The following ANGPT1 variants were observed in gnomAD, a reference collection of about 807,000 sequenced individuals.
ANGPT1 encodes angiopoietin 1, also known as angiopoietin-1.
Under a neutral mutation model 62.2 loss-of-function variants are expected in ANGPT1, and 17 were observed. The observed-to-expected ratio is 0.27, with a 90% CI of 0.19 to 0.41. ANGPT1 has a LOEUF of 0.41. Ranked by LOEUF, ANGPT1 falls within the 10% of genes least tolerant of loss-of-function variation. ANGPT1 has a pLI of 1.00. For missense variants in ANGPT1, 478 were observed against 594.9 expected (o/e 0.80, Z 2.04); for synonymous variants, 199 against 198.9 (o/e 1.00, Z 0.00).
At chr8:107,338,107 T>C (rs1815613134) in intron 2 of ANGPT1, among the ~76,000 whole-genome samples, 1 of 151,466 alleles carries the variant, frequency 6.6e-6, no homozygotes, top group Non-Finnish European at 1.5e-5. Flanking sequence ...AAAAATAAAA[T>C]AAAATAAAAA....
intron 7 of ANGPT1, among the ~76,000 whole-genome samples, chr8:107,273,928 A>T (rs1340007005): frequency 2.1e-5 from 3 of 143,902 alleles, no homozygotes; most frequent in African/African-American, 7.6e-5. Context: ...TTCATCATTA[A>T]AAAAAAAAAA....
intron 3 of ANGPT1, among the ~76,000 whole-genome samples, chr8:107,330,321 AAAT>A (rs1217385306): frequency 9.8e-5 from 15 of 152,322 alleles, no homozygotes; most frequent in African/African-American, 3.6e-4. Flanking sequence ...AAAGTCACAC[AAAT>A]AATATGTGAC....
At chr8:107,390,647 T>C (rs1384678443) in intron 1 of ANGPT1, among the ~76,000 whole-genome samples, 2 of 152,214 alleles carry the variant, frequency 1.3e-5, no homozygotes, top group Non-Finnish European at 2.9e-5. Context: ...AGGGTTTTAC[T>C]ATTCATGTAT....
chr8:107,321,866 A>G lies in ANGPT1; in HGVS notation c.808+30T>C, dbSNP rs564378660. On this transcript the variant is annotated intron_variant, in intron 4 of 8. Coordinates refer to ENST00000517746, the MANE Select transcript of ANGPT1 (RefSeq NM_001146.5). ...CTTGATCAAAGGAAATAAAATATTA[A>G]CAATACCAAAGTGAGGAAGACATTC... is the stretch of plus-strand genomic sequence containing the variant. 5 of 1,584,206 alleles carry G rather than the reference A, an allele frequency of 3.2e-6. No individual in the cohort carries two copies. In the East Asian group the frequency reaches 6.7e-5, roughly 21 times the overall value.
At chr8:107,423,629 T>G (rs1810954127) in intron 1 of ANGPT1, among the ~76,000 whole-genome samples, 1 of 152,060 alleles carries the variant, frequency 6.6e-6, no homozygotes, top group African/African-American at 2.4e-5. Context: ...CACAAATCTC[T>G]CTCTGTCTCA....
intron 1 of ANGPT1, among the ~76,000 whole-genome samples, chr8:107,384,641 G>A (rs1194793648): frequency 6.6e-6 from 1 of 151,952 alleles, no homozygotes; most frequent in Non-Finnish European, 1.5e-5. Flanking sequence ...CTTATAAGAG[G>A]AAAAAGGGTA....
intron 4 of ANGPT1, among the ~76,000 whole-genome samples, chr8:107,319,100 A>C (rs530054769): frequency 6.6e-6 from 1 of 152,330 alleles, no homozygotes; most frequent in African/African-American, 2.4e-5. Context: ...AAGGAGAAAG[A>C]AGAAACTAAA....
intron 1 of ANGPT1, among the ~76,000 whole-genome samples, chr8:107,439,135 G>C (rs1410846555): frequency 1.3e-5 from 2 of 152,120 alleles, no homozygotes; most frequent in Non-Finnish European, 2.9e-5. Context: ...CAGACTTATA[G>C]GAAATCACTT....
chr8:107,316,184 C>T (rs1258309721), intron 4 of ANGPT1, among the ~76,000 whole-genome samples: 1 of 152,084 alleles, frequency 6.6e-6, no homozygotes, highest in African/African-American at 2.4e-5. Flanking sequence ...AAATTTCTTC[C>T]ACTTACTTTT....
At chr8:107,327,967 A>G (rs1284582427) in intron 3 of ANGPT1, among the ~76,000 whole-genome samples, 1 of 152,098 alleles carries the variant, frequency 6.6e-6, no homozygotes, top group African/African-American at 2.4e-5. Flanking sequence ...ATCATTGAAC[A>G]TATCTTGAAG....
At chr8:107,446,383 T>C (rs1394211825) in intron 1 of ANGPT1, among the ~76,000 whole-genome samples, 2 of 152,214 alleles carry the variant, frequency 1.3e-5, no homozygotes, top group Non-Finnish European at 2.9e-5. Context: ...AAGTGGACAA[T>C]AGCCCCATGT....
At chr8:107,444,425 T>C (rs1046095844) in intron 1 of ANGPT1, among the ~76,000 whole-genome samples, 4 of 152,174 alleles carry the variant, frequency 2.6e-5, no homozygotes, top group African/African-American at 9.7e-5. Context: ...TGTCAGTTGG[T>C]CAGCCAATGA....
intron 7 of ANGPT1, among the ~76,000 whole-genome samples, chr8:107,282,161 T>C (rs1814022799): frequency 6.6e-6 from 1 of 151,982 alleles, no homozygotes; most frequent in Non-Finnish European, 1.5e-5. Context: ...TAATGAATCT[T>C]TCACCAGAGT....
At chr8:107,287,681 A>G (rs1814175657) in intron 6 of ANGPT1, among the ~76,000 whole-genome samples, 1 of 152,164 alleles carries the variant, frequency 6.6e-6, no homozygotes, top group African/African-American at 2.4e-5. Context: ...ATGACCACAG[A>G]TCTGATATGT....
chr8:107,276,644 AT>A (rs1355209756), intron 7 of ANGPT1, among the ~76,000 whole-genome samples: 12 of 151,444 alleles, frequency 7.9e-5, no homozygotes, highest in Admixed American at 2.6e-4. Context: ...AAAAAAATGG[AT>A]TGGGGAACTG....
chr8:107,397,980 G>C (rs1346366284), intron 1 of ANGPT1, among the ~76,000 whole-genome samples: 1 of 152,136 alleles, frequency 6.6e-6, no homozygotes, highest in Non-Finnish European at 1.5e-5. Flanking sequence ...ATTATTACCA[G>C]ATTATCAGGG....
intron 1 of ANGPT1, among the ~76,000 whole-genome samples, chr8:107,369,110 G>T (rs1199095556): frequency 6.6e-6 from 1 of 152,088 alleles, no homozygotes; most frequent in Admixed American, 6.5e-5. Flanking sequence ...AAAATCTGTT[G>T]CTTAGTATAG....
intron 7 of ANGPT1, among the ~76,000 whole-genome samples, chr8:107,275,624 G>A (rs1813846358): frequency 6.6e-6 from 1 of 152,090 alleles, no homozygotes; most frequent in Non-Finnish European, 1.5e-5. Context: ...TCACATATGG[G>A]TATGCACCTG....
chr8:107,277,697 A>G (rs1299280102), intron 7 of ANGPT1, among the ~76,000 whole-genome samples: 1 of 152,218 alleles, frequency 6.6e-6, no homozygotes, highest in East Asian at 1.9e-4. Flanking sequence ...TGGGAAATAG[A>G]CAATATCATT....
Sources: allele counts gnomAD v4.1 joint callset (sites outside exome capture counted in the v4.1 genomes callset), GRCh38; gene constraint gnomAD v4.1.1; transcripts MANE v1.5; gene names NCBI Gene and HGNC (gene_info 2026-07-23, HGNC 2026-07-21).